Variants in HAPLN2 observed in about 807,000 individuals in gnomAD.
The protein encoded by HAPLN2 is brain link protein-1.
A neutral mutation model predicts 29.3 loss-of-function variants in HAPLN2; 27 were observed. The observed-to-expected ratio is 0.92, with a 90% CI of 0.68 to 1.27. The LOEUF (loss-of-function observed/expected upper bound fraction) is 1.27, where lower values mean the gene tolerates loss of function less well. Among genes scored for constraint, HAPLN2 ranks in the 50% most tolerant of loss-of-function variants. The probability of loss-of-function intolerance (pLI) is 0.00; values close to 1 mark genes in which losing one functional copy is unlikely to be tolerated. For synonymous variants in HAPLN2, 208 were observed against 211.7 expected, an observed-to-expected ratio of 0.98 and a Z score of 0.15; for missense variants, 454 against 484.3, an observed-to-expected ratio of 0.94 and a Z score of 0.59.
the HAPLN2 span, among the ~76,000 whole-genome samples, chr1:156,612,362 C>T: frequency 6.6e-6 from 1 of 152,088 alleles, no homozygotes; most frequent in Non-Finnish European, 1.5e-5. Flanking sequence ...CCAGGTGAAG[C>T]TGTTAAGTTG....
chr1:156,606,967 C>A, the HAPLN2 span, among the ~76,000 whole-genome samples: 1 of 152,102 alleles, frequency 6.6e-6, no homozygotes, highest in Non-Finnish European at 1.5e-5. Flanking sequence ...CTAACCCCCA[C>A]CCTGCACCTC....
At chr1:156,623,342 C>G (rs1678315812) in intron 2 of HAPLN2, 125 bp from the exon 3 acceptor site, 1 of 727,814 alleles carries the variant, frequency 1.4e-6, no homozygotes, top group East Asian at 2.8e-5. Flanking sequence ...CCCCTTTTCT[C>G]TGCCCCAGTG....
chr1:156,612,729 A>G, the HAPLN2 span, among the ~76,000 whole-genome samples: 2 of 152,146 alleles, frequency 1.3e-5, no homozygotes, highest in African/African-American at 4.8e-5. Flanking sequence ...TCTTGCTGAT[A>G]ATGGCCACTT....
Position 156,624,339 on chromosome 1 carries a change from G to A in HAPLN2, c.440-12G>A. On this transcript the variant is annotated splice_polypyrimidine_tract_variant and intron_variant, in intron 4 of 6. Coordinates refer to ENST00000255039, the MANE Select transcript of HAPLN2 (RefSeq NM_021817.3). ...TCCGCTGGCCCTCCCCAGGATCCCC[G>A]CCACCCCCTAGGTGTGGTGTTTCCG... The A allele has an allele frequency of 2.5e-6, 4 of 1,588,134 alleles. No homozygotes were observed. Among genetic ancestry groups the A allele is most frequent in the Non-Finnish European group, 2.6e-6 (3 of 1,165,742 alleles).
At chr1:156,604,929 T>G in the HAPLN2 span, among the ~76,000 whole-genome samples, 1 of 151,942 alleles carries the variant, frequency 6.6e-6, no homozygotes, top group South Asian at 2.1e-4. Flanking sequence ...CTTTTTTTTT[T>G]TTTTGCATAA....
intron 2 of HAPLN2, among the ~76,000 whole-genome samples, chr1:156,622,954 G>A (rs1052615484): frequency 6.6e-6 from 1 of 151,092 alleles, no homozygotes; most frequent in African/African-American, 2.4e-5. Flanking sequence ...GGATCACCTG[G>A]AGCTGGAAGT....
chr1:156,624,063 C>T lies in HAPLN2; in HGVS notation c.342C>T (p.Val114=). 1 of 1,613,556 alleles carries T rather than the reference C, an allele frequency of 6.2e-7. No individual in the cohort carries two copies. Among genetic ancestry groups the T allele is most frequent in the Non-Finnish European group, 8.5e-7 (1 of 1,179,914 alleles). ...GGCATCGACTAGACGCCTCCCTGGT[C>T]ATCGCGGGCGTGCGCCTGGAGGACG... ...RRGHRLDASL[V]IAGVRLEDEG... Residue 114 remains valine (V), a synonymous_variant, in exon 4 of 7, where the codon GTC becomes GTT. Coordinates refer to ENST00000255039, the MANE Select transcript of HAPLN2 (RefSeq NM_021817.3).
chr1:156,618,263 G>A (rs959220750), upstream of HAPLN2, among the ~76,000 whole-genome samples: 3 of 138,442 alleles, frequency 2.2e-5, no homozygotes, highest in Non-Finnish European at 3.0e-5. Flanking sequence ...CCGAGACTGC[G>A]CCACTGCACT....
In HAPLN2 at chr1:156,623,845, C is replaced by A. The variant is rs745725512; in HGVS notation, c.124C>A (p.His42Asn). ...CCCCCACTACCTCCTGCCCCCCATC[C>A]ACGAGGTCATTCACTCTCATCGTGG... Reference protein sequence around the residue: ...PGPHYLLPPIHEVIHSHRGAT... With the variant: ...PGPHYLLPPINEVIHSHRGAT... Residue 42 changes from histidine (H) to asparagine (N), a missense_variant, in exon 4 of 7, where the codon CAC (histidine) becomes AAC (asparagine). Physicochemically the swap from His to Asn is moderately conservative, Grantham distance 68. Transcript: ENST00000255039. 1.9e-6 allele frequency: 3 copies of A among 1,542,750 alleles called. No individual in the cohort carries two copies.
chr1:156,622,764 G>A (rs1678276786), intron 2 of HAPLN2, among the ~76,000 whole-genome samples: 1 of 151,994 alleles, frequency 6.6e-6, no homozygotes, highest in Non-Finnish European at 1.5e-5. Flanking sequence ...GCAACTGGGA[G>A]TCACTTTCAA....
the HAPLN2 span, among the ~76,000 whole-genome samples, chr1:156,606,543 C>T: frequency 2.0e-5 from 3 of 147,172 alleles, no homozygotes; most frequent in African/African-American, 7.5e-5. Flanking sequence ...AGTGCAGTGG[C>T]GTGATCATGG....
chr1:156,611,130 A>G, the HAPLN2 span, among the ~76,000 whole-genome samples: 8 of 152,010 alleles, frequency 5.3e-5, no homozygotes, highest in Non-Finnish European at 1.0e-4. Flanking sequence ...GAAAAATACA[A>G]AAATCAGCTA....
At position 156,624,758 on chromosome 1, in the gene HAPLN2, CT is replaced by C; in HGVS notation, c.716del (p.Phe239SerfsTer18). 1 of 1,535,110 alleles carries C rather than the reference CT, an allele frequency of 6.5e-7. No homozygotes were observed. The highest frequency in any genetic ancestry group is 8.7e-7 in the Non-Finnish European group (1 of 1,149,808). On this transcript the variant is annotated frameshift_variant, in exon 6 of 7. Transcript: ENST00000255039. LOFTEE classifies it low-confidence loss of function (END_TRUNC). ...RDRMRDRYDA[F>X]CFTSALAGQV... ...ACCGGATGCGCGACCGCTACGACGCCTTCTGCTTCACCTCCGCGCTGGCGGG... is the reference window on the plus strand; with the variant it reads ...ACCGGATGCGCGACCGCTACGACGCCTCTGCTTCACCTCCGCGCTGGCGGG...
intron 6 of HAPLN2, 127 bp downstream of exon 6, chr1:156,624,910 C>T (rs1428003226): frequency 8.6e-5 from 31 of 360,098 alleles, no homozygotes; most frequent in Non-Finnish European, 1.4e-4. Flanking sequence ...CCCCCATCAG[C>T]CCGCCCGCCC....
the HAPLN2 span, among the ~76,000 whole-genome samples, chr1:156,609,611 G>C: frequency 1.2e-4 from 18 of 152,128 alleles, no homozygotes; most frequent in African/African-American, 4.1e-4. Context: ...TTTAGTTTAA[G>C]GACAGTTATA....
chr1:156,612,461 T>C, the HAPLN2 span, among the ~76,000 whole-genome samples: 1 of 152,140 alleles, frequency 6.6e-6, no homozygotes, highest in African/African-American at 2.4e-5. Context: ...AAATCATAGC[T>C]TACTGCAGCT....
the HAPLN2 span, among the ~76,000 whole-genome samples, chr1:156,603,566 G>A: frequency 6.6e-6 from 1 of 152,042 alleles, no homozygotes; most frequent in East Asian, 1.9e-4. Context: ...AAATATATAA[G>A]AAGTTTTAAA....
the HAPLN2 span, among the ~76,000 whole-genome samples, chr1:156,606,556 CCCTGAAG>C: frequency 1.3e-5 from 2 of 150,974 alleles, no homozygotes; most frequent in African/African-American, 2.4e-5. Context: ...GATCATGGCT[CCCTGAAG>C]CCTCAATCTC....
chr1:156,623,499 C>T lies in HAPLN2; in HGVS notation c.9C>T (p.Gly3=), dbSNP rs1259161284. 12 of 1,614,014 alleles carry T rather than the reference C, an allele frequency of 7.4e-6. No homozygotes were observed. The highest frequency in any genetic ancestry group is 1.1e-5 in the South Asian group (1 of 91,080). Residue 3 remains glycine (G), a synonymous_variant, in exon 3 of 7, where the codon GGC becomes GGT. Transcript: ENST00000255039. MP[G]WLTLPTLCRF... ...CGGGCTGACCCCCCATCATGCCAGGCTGGCTCACCCTCCCCACACTCTGCC... is the reference window on the plus strand; with the variant it reads ...CGGGCTGACCCCCCATCATGCCAGGTTGGCTCACCCTCCCCACACTCTGCC...
Sources: gnomAD v4.1 joint callset for allele counts (sites outside exome capture counted in the v4.1 genomes callset) on GRCh38, gnomAD v4.1.1 for gene constraint, MANE v1.5 for transcripts, NCBI Gene and HGNC (gene_info 2026-07-23, HGNC 2026-07-21) for gene names.